The following TEX36 variants were observed in gnomAD, a reference collection of about 807,000 sequenced individuals.
TEX36 encodes testis expressed 36, also known as testis-expressed protein 36.
TEX36 carries 12 observed loss-of-function variants against 13.6 expected under a neutral mutation model. That is an observed-to-expected ratio of 0.88 (90% CI 0.56 to 1.43). The LOEUF (loss-of-function observed/expected upper bound fraction) is 1.43. TEX36 is among the 40% of genes most tolerant of loss of function. TEX36 has a pLI of 0.00. For synonymous variants in TEX36, 93 were observed against 83.0 expected (o/e 1.12, Z -0.65); for missense variants, 224 against 228.3 (o/e 0.98, Z 0.12).
downstream of TEX36, among the ~76,000 whole-genome samples, chr10:125,618,262 C>A (rs1373404085): frequency 6.6e-6 from 1 of 152,174 alleles, no homozygotes; most frequent in East Asian, 1.9e-4. Context: ...GTAATTTGAT[C>A]GTCTGAAGCC....
intron 1 of TEX36, among the ~76,000 whole-genome samples, chr10:125,674,793 CTG>C (rs1000483712): frequency 2.6e-5 from 4 of 152,240 alleles, no homozygotes; most frequent in African/African-American, 7.2e-5. Flanking sequence ...AGGTGGCAGC[CTG>C]CTCCTTCATT....
At chr10:125,666,961 G>A (rs1565189301) in intron 1 of TEX36, 2 of 946,496 alleles carry the variant, frequency 2.1e-6, no homozygotes, top group Admixed American at 4.8e-5. Context: ...TGACAGGCCA[G>A]GCTGTTGGCC....
intron 1 of TEX36, chr10:125,667,975 T>G: frequency 1.2e-6 from 1 of 838,888 alleles, no homozygotes; most frequent in South Asian, 1.4e-5. Context: ...CAAGTTCCAG[T>G]GCTTCAAAGG....
intron 1 of TEX36, chr10:125,667,804 G>T: frequency 8.9e-7 from 1 of 1,124,042 alleles, no homozygotes; most frequent in Non-Finnish European, 1.3e-6. Context: ...TGGTGTTCTC[G>T]GCGTTAAGGG....
chr10:125,637,039 T>C (rs1293348332), intron 3 of TEX36, among the ~76,000 whole-genome samples: 1 of 152,124 alleles, frequency 6.6e-6, no homozygotes, highest in Non-Finnish European at 1.5e-5. Flanking sequence ...CGGTGGCTTA[T>C]GCTGGTAATC....
At chr10:125,660,256 C>G (rs1847012501) in intron 3 of TEX36, among the ~76,000 whole-genome samples, 1 of 152,060 alleles carries the variant, frequency 6.6e-6, no homozygotes, top group South Asian at 2.1e-4. Flanking sequence ...TTTTGAGTAG[C>G]TGGGACAACA....
chr10:125,676,640 C>T (rs1847318363), intron 1 of TEX36, among the ~76,000 whole-genome samples: 1 of 151,808 alleles, frequency 6.6e-6, no homozygotes, highest in Non-Finnish European at 1.5e-5. Context: ...ATATGTGAGG[C>T]TTTGTTCCTA....
chr10:125,590,453 C>A lies in TEX36; in HGVS notation c.265-13579G>T, dbSNP rs549235655. On this transcript the variant is annotated intron_variant, in intron 3 of 3. Transcript: ENST00000532135. The stretch of plus-strand genomic sequence containing the variant: ...TATTTTAAAAAAAGGTGGGGGGCAG[C>A]TAATAATAGTACTATCTTCATGGTG... Among the ~76,000 whole-genome samples the A allele has an allele frequency of 2.1e-4, 32 of 152,040 alleles. No homozygotes were observed. The South Asian group carries it at 6.7e-3, about 32-fold the overall frequency.
chr10:125,645,701 G>A (rs540460166), intron 3 of TEX36, among the ~76,000 whole-genome samples: 6 of 152,246 alleles, frequency 3.9e-5, no homozygotes, highest in Non-Finnish European at 7.3e-5. Flanking sequence ...TTTTACCAGA[G>A]TTATGCCAGA....
At chr10:125,580,314 G>A (rs1404769672) in intron 3 of TEX36, among the ~76,000 whole-genome samples, 6 of 152,228 alleles carry the variant, frequency 3.9e-5, no homozygotes, top group Admixed American at 3.9e-4. Flanking sequence ...GCCCTAAGGT[G>A]TGAAAAATAT....
intron 3 of TEX36, among the ~76,000 whole-genome samples, chr10:125,601,459 C>T (rs368807818): frequency 6.6e-6 from 1 of 152,232 alleles, no homozygotes; most frequent in Non-Finnish European, 1.5e-5. Flanking sequence ...GTTTGAGTTA[C>T]AGACAGTGAA....
At chr10:125,579,137 T>C (rs1332073779) in intron 3 of TEX36, among the ~76,000 whole-genome samples, 1 of 152,220 alleles carries the variant, frequency 6.6e-6, no homozygotes, top group Non-Finnish European at 1.5e-5. Flanking sequence ...GGCACACTCA[T>C]TCTTGGAAAG....
At chr10:125,650,180 T>A (rs1846831475) in intron 3 of TEX36, among the ~76,000 whole-genome samples, 2 of 152,126 alleles carry the variant, frequency 1.3e-5, no homozygotes, top group Admixed American at 1.3e-4. Context: ...CCACCTCAAA[T>A]CAACAGAATA....
At chr10:125,577,585 A>T (rs985440403) in intron 3 of TEX36, among the ~76,000 whole-genome samples, 5 of 152,260 alleles carry the variant, frequency 3.3e-5, no homozygotes, top group African/African-American at 1.2e-4. Context: ...GAGTGAAAAC[A>T]TCACCCATAA....
In TEX36 at chr10:125,608,911, G is replaced by C. The variant is rs297225; in HGVS notation, c.265-32037C>G. ...GCACTTTGGGAGGCCGAGGAAGGCGGATCACTTGAGGCCAGGAGTTTGAGA... is the reference window on the plus strand; with the variant it reads ...GCACTTTGGGAGGCCGAGGAAGGCGCATCACTTGAGGCCAGGAGTTTGAGA... On this transcript the variant is annotated intron_variant, in intron 3 of 3. Transcript: ENST00000532135. Among the ~76,000 whole-genome samples, 324 of 147,934 alleles carry C rather than the reference G, an allele frequency of 2.2e-3. 1 individual carries two copies. Among genetic ancestry groups the C allele is most frequent in the African/African-American group, 6.5e-3 (259 of 39,744 alleles).
rs190066530 is a variant in TEX36, at chr10:125,594,641, T to C, written c.265-17767A>G. Among the ~76,000 whole-genome samples, 4 of 152,330 alleles carry C rather than the reference T, an allele frequency of 2.6e-5. No homozygotes were observed. The East Asian group carries it at 7.7e-4, about 29-fold the overall frequency. ...ACATAAATATGGGTCAAAGAAGAAA[T>C]TGTGCTGACATTTTTGAAATATTAA... On this transcript the variant is annotated intron_variant, in intron 3 of 3. Coordinates refer to the TEX36 transcript ENST00000532135.
intron 1 of TEX36, among the ~76,000 whole-genome samples, chr10:125,665,163 G>C (rs960480914): frequency 5.3e-5 from 8 of 152,078 alleles, no homozygotes; most frequent in Admixed American, 2.6e-4. Context: ...CAGATGAATG[G>C]TTTGCAAATA....
intron 3 of TEX36, among the ~76,000 whole-genome samples, chr10:125,643,279 C>T (rs1441045495): frequency 6.6e-6 from 1 of 152,214 alleles, no homozygotes; most frequent in Non-Finnish European, 1.5e-5. Flanking sequence ...CACCCGCCCT[C>T]ATGCAGACAG....
chr10:125,662,360 C>T (rs1847059005), intron 1 of TEX36, among the ~76,000 whole-genome samples: 1 of 152,070 alleles, frequency 6.6e-6, no homozygotes, highest in Admixed American at 6.6e-5. Context: ...AGCCAACCCA[C>T]GTTTATGGAG....
Sources: gnomAD v4.1 joint callset for allele counts (sites outside exome capture counted in the v4.1 genomes callset) on GRCh38, gnomAD v4.1.1 for gene constraint, MANE v1.5 for transcripts, NCBI Gene and HGNC (gene_info 2026-07-23, HGNC 2026-07-21) for gene names.